ANOS1: variants seen among roughly 807,000 people sequenced by gnomAD.
The protein encoded by ANOS1 is anosmin 1.
In ANOS1, 6 loss-of-function variants were observed where a neutral mutation model predicts 59.0. That is an observed-to-expected ratio of 0.10 (90% CI 0.06 to 0.20). The LOEUF is 0.20. Ranked by LOEUF, ANOS1 falls within the 10% of genes least tolerant of loss-of-function variation. The pLI, the probability that ANOS1 is intolerant of heterozygous loss-of-function variation, is 1.00. For missense variants in ANOS1, 433 were observed against 542.3 expected (o/e 0.80, Z 2.00); for synonymous variants, 217 against 223.4 (o/e 0.97, Z 0.25).
At position 8,554,082 on chromosome X, in the gene ANOS1, T is replaced by G. The variant is rs1033650793; in HGVS notation, c.1224A>C (p.Lys408Asn). 2 of 1,202,815 alleles carry G rather than the reference T, an allele frequency of 1.7e-6. No individual in the cohort carries two copies. Among genetic ancestry groups the G allele is most frequent in the East Asian group, 5.9e-5 (2 of 33,805 alleles). Residue 408 changes from lysine (K) to asparagine (N), a missense_variant, in exon 9 of 14, where the codon AAA (lysine) becomes AAC (asparagine). By Grantham distance (94) the Lys-to-Asn change is moderately conservative (BLOSUM62 0). Transcript: ENST00000262648. ...GTGTTTGAATTCCACCTTTTCTAGT[T>G]TTCACAAGCTGTTCTTCTACAACAA... ...HATNNKEQLV[K>N]TRKGGIQTQL...
chrX:8,572,758 G>A (rs1875347941), intron 6 of ANOS1, among the ~76,000 whole-genome samples: 1 of 112,053 alleles, frequency 8.9e-6, no homozygotes, highest in Non-Finnish European at 1.9e-5. Context: ...CTGATTCCCT[G>A]AGTGCAGGTG....
intron 8 of ANOS1, among the ~76,000 whole-genome samples, chrX:8,562,007 C>G (rs1174524873): frequency 9.0e-6 from 1 of 110,679 alleles, no homozygotes. Flanking sequence ...CTGGCATGAT[C>G]TCGGCTCACT....
chrX:8,569,108 C>T (rs960472082), intron 7 of ANOS1, among the ~76,000 whole-genome samples: 1 of 111,724 alleles, frequency 9.0e-6, no homozygotes, highest in African/African-American at 3.3e-5. Flanking sequence ...AAAAGCTATA[C>T]AAAAGAAAAA....
intron 1 of ANOS1, among the ~76,000 whole-genome samples, chrX:8,723,548 T>C (rs758542809): frequency 8.9e-6 from 1 of 112,433 alleles, no homozygotes; most frequent in East Asian, 2.8e-4. Context: ...ATGCAGACAG[T>C]GATTTACATG....
chrX:8,550,505 T>C lies in ANOS1; in HGVS notation c.1354+3447A>G, dbSNP rs182334376. Reference sequence around the variant, plus strand: ...ATCGAAAAATTAATTCAAATATGTATATAAAAATGCAAAAGGCCAGGAATA... The same window carrying C: ...ATCGAAAAATTAATTCAAATATGTACATAAAAATGCAAAAGGCCAGGAATA... On this transcript the variant is annotated intron_variant, in intron 9 of 13. Coordinates refer to ENST00000262648, the MANE Select transcript of ANOS1 (RefSeq NM_000216.4). Among the ~76,000 whole-genome samples the C allele has an allele frequency of 4.4e-3, 491 of 111,292 alleles. 1 individual carries two copies. The highest frequency in any genetic ancestry group is 0.015 in the African/African-American group (472 of 30,751).
rs1929462918 is a variant in ANOS1, at chrX:8,529,483, G to A, written c.*3512C>T. 8.9e-6 allele frequency: 1 copy of A among 111,933 alleles called. No individual in the cohort carries two copies. Among genetic ancestry groups the A allele is most frequent in the South Asian group, 3.7e-4 (1 of 2,685 alleles). The allele number at this position is 111,933 out of a possible 1,213,427, so 9.2% of individuals were successfully genotyped here. ...TTGAAAACCCACGGCATAAGAAAGG[G>A]CATTAAATAAATAAGTCAAAATCAC... On this transcript the variant is annotated 3_prime_UTR_variant, in exon 14 of 14. Coordinates refer to ENST00000262648, the MANE Select transcript of ANOS1 (RefSeq NM_000216.4).
intron 2 of ANOS1, among the ~76,000 whole-genome samples, chrX:8,678,009 G>A (rs1932362243): frequency 1.8e-5 from 2 of 111,593 alleles, no homozygotes; most frequent in Admixed American, 9.5e-5. Context: ...TGCTGGGCTC[G>A]CCATGCTTGC....
rs781348441 is a variant in ANOS1, at chrX:8,683,973, C to T, written c.255+15725G>A. 1.0e-3 allele frequency among the ~76,000 whole-genome samples: 112 copies of T among 111,531 alleles called. 1 individual carries two copies. The highest frequency in any genetic ancestry group is 2.8e-4 in the Non-Finnish European group (15 of 53,164). ...CCTGACAAATACTATGCTAGGACTG[C>T]GCAGAAAATGATTCAGAAGAAATAT... On this transcript the variant is annotated intron_variant, in intron 2 of 13. Coordinates refer to ENST00000262648, the MANE Select transcript of ANOS1 (RefSeq NM_000216.4).
At chrX:8,660,397 C>A (rs943283735) in intron 2 of ANOS1, among the ~76,000 whole-genome samples, 1 of 111,507 alleles carries the variant, frequency 9.0e-6, no homozygotes, top group East Asian at 2.8e-4. Flanking sequence ...TTAATACTAA[C>A]CTTTGCTTGC....
intron 1 of ANOS1, among the ~76,000 whole-genome samples, chrX:8,726,704 C>A (rs1932923336): frequency 8.9e-6 from 1 of 112,416 alleles, no homozygotes; most frequent in South Asian, 3.7e-4. Context: ...TAAGACTCAG[C>A]TACACCTGTG....
chrX:8,625,835 G>A (rs911341900), intron 2 of ANOS1, among the ~76,000 whole-genome samples: 4 of 110,642 alleles, frequency 3.6e-5, no homozygotes, highest in Admixed American at 1.9e-4. Flanking sequence ...GCCATTGGCC[G>A]GGCACGGTGG....
At chrX:8,559,954 G>C (rs1930007823) in intron 8 of ANOS1, among the ~76,000 whole-genome samples, 3 of 111,677 alleles carry the variant, frequency 2.7e-5, no homozygotes, top group African/African-American at 9.8e-5. Flanking sequence ...ACACGCACAT[G>C]GTAGCTGCCT....
intron 8 of ANOS1, among the ~76,000 whole-genome samples, chrX:8,560,903 T>C (rs975410501): frequency 1.8e-5 from 2 of 112,653 alleles, no homozygotes; most frequent in African/African-American, 6.5e-5. Flanking sequence ...GATGCAAGAC[T>C]TTTCTGCTTT....
At chrX:8,606,959 A>T (rs1930954386) in intron 3 of ANOS1, among the ~76,000 whole-genome samples, 2 of 112,095 alleles carry the variant, frequency 1.8e-5, no homozygotes, top group East Asian at 5.6e-4. Flanking sequence ...CTCTACTAAA[A>T]ATCCAAAAAA....
At chrX:8,666,436 C>G (rs1205117045) in intron 2 of ANOS1, among the ~76,000 whole-genome samples, 3 of 111,313 alleles carry the variant, frequency 2.7e-5, no homozygotes, top group Non-Finnish European at 5.6e-5. Flanking sequence ...TTCCCTATAT[C>G]ATAAATGTCA....
chrX:8,532,504 A>G lies in ANOS1; in HGVS notation c.*491T>C, dbSNP rs1929516045. ...CATTTAAAAATCACCTAGGATAAAA[A>G]TGATCTTAGGAAAGATTCAAAAAAA... On this transcript the variant is annotated 3_prime_UTR_variant, in exon 14 of 14. Transcript: ENST00000262648. 1 of 113,046 alleles carries G rather than the reference A, an allele frequency of 8.8e-6. No individual in the cohort carries two copies. The highest frequency in any genetic ancestry group is 3.2e-5 in the African/African-American group (1 of 30,895). 9.3% of individuals were successfully genotyped at this position (113,046 alleles called of 1,213,427 possible). A position where few individuals can be genotyped will look rare whatever the true frequency, so the allele number is the denominator to read the frequency against.
chrX:8,538,616 A>G (rs1929634921), intron 10 of ANOS1, among the ~76,000 whole-genome samples: 1 of 111,907 alleles, frequency 8.9e-6, no homozygotes, highest in South Asian at 3.7e-4. Flanking sequence ...CCACAAAAAT[A>G]TTAATAATTC....
intron 2 of ANOS1, among the ~76,000 whole-genome samples, chrX:8,652,473 G>A (rs1931864606): frequency 8.9e-6 from 1 of 111,793 alleles, no homozygotes; most frequent in Non-Finnish European, 1.9e-5. Context: ...CACAAATTTG[G>A]ATTTCAGCTT....
In ANOS1 at chrX:8,687,230, A is replaced by G. The variant is rs982313868; in HGVS notation, c.255+12468T>C. Among the ~76,000 whole-genome samples the G allele has an allele frequency of 4.5e-5, 5 of 110,996 alleles. No homozygotes were observed. The Admixed American group carries it at 4.8e-4, about 11-fold the overall frequency. On this transcript the variant is annotated intron_variant, in intron 2 of 13. Coordinates refer to ENST00000262648, the MANE Select transcript of ANOS1 (RefSeq NM_000216.4). ...AGCACCTGGAAGTGATACATCCATC[A>G]GGCAGGTATAAATACTGTCTCTCTC...
Sources: gnomAD v4.1 joint callset for allele counts (sites outside exome capture counted in the v4.1 genomes callset) on GRCh38, gnomAD v4.1.1 for gene constraint, MANE v1.5 for transcripts, NCBI Gene and HGNC (gene_info 2026-07-23, HGNC 2026-07-21) for gene names.